TRPC5: variants seen among roughly 807,000 people sequenced by gnomAD.
TRPC5 encodes the protein transient receptor potential cation channel subfamily C member 5.
A neutral mutation model predicts 56.5 loss-of-function variants in TRPC5; 9 were observed. The ratio of observed to expected loss-of-function variants is 0.16; its 90% CI spans 0.10 to 0.28. TRPC5 has a LOEUF of 0.28. TRPC5 is among the 10% of genes least tolerant of loss of function. TRPC5 has a pLI of 1.00. For missense variants in TRPC5, 469 were observed against 748.9 expected, an observed-to-expected ratio of 0.63 and a Z score of 4.36; for synonymous variants, 282 against 278.5, an observed-to-expected ratio of 1.01 and a Z score of -0.13.
intron 5 of TRPC5, among the ~76,000 whole-genome samples, chrX:111,849,979 A>G (rs1485054170): frequency 8.9e-6 from 1 of 112,154 alleles, no homozygotes; most frequent in African/African-American, 3.2e-5. Flanking sequence ...CTTTCAAAGG[A>G]TGTAAATTGC....
At chrX:111,960,003 C>T (rs909959506) in intron 1 of TRPC5, among the ~76,000 whole-genome samples, 11 of 111,766 alleles carry the variant, frequency 9.8e-5, no homozygotes, top group Admixed American at 2.8e-4. Context: ...TAGCCACTAG[C>T]CACAAGTGGC....
intron 5 of TRPC5, among the ~76,000 whole-genome samples, chrX:111,848,681 T>G (rs1326352485): frequency 8.9e-6 from 1 of 112,553 alleles, no homozygotes; most frequent in Non-Finnish European, 1.9e-5. Context: ...AAATCACTTG[T>G]GTGTATCCAA....
At position 111,811,047 on chromosome X, in the gene TRPC5, G is replaced by C. The variant is rs1034596082; in HGVS notation, c.1896+23874C>G. Among the ~76,000 whole-genome samples, 8 of 111,964 alleles carry C rather than the reference G, an allele frequency of 7.1e-5. No individual in the cohort carries two copies. The Admixed American group carries it at 7.6e-4, about 11-fold the overall frequency. On this transcript the variant is annotated intron_variant, in intron 7 of 10. Coordinates refer to ENST00000262839, the MANE Select transcript of TRPC5 (RefSeq NM_012471.3). ...TGTGGAACGGAAATGAGAATTCAAGGAGACAAAGGAATGATGTAAACTTTC... is the reference window on the plus strand; with the variant it reads ...TGTGGAACGGAAATGAGAATTCAAGCAGACAAAGGAATGATGTAAACTTTC...
At chrX:111,984,440 T>G (rs112953409) in intron 1 of TRPC5, among the ~76,000 whole-genome samples, 3,451 of 111,680 alleles carry the variant, frequency 0.031, 130 homozygotes, top group African/African-American at 0.11. Flanking sequence ...AGAGGTCCAC[T>G]CAGCATTGTG....
chrX:111,964,873 C>CT (rs1927512599), intron 1 of TRPC5, among the ~76,000 whole-genome samples: 1 of 111,874 alleles, frequency 8.9e-6, no homozygotes, highest in Non-Finnish European at 1.9e-5. Flanking sequence ...CAAAAACATG[C>CT]TAAAATGTAA....
intron 1 of TRPC5, among the ~76,000 whole-genome samples, chrX:112,068,987 C>T (rs715154): frequency 8.9e-6 from 1 of 111,783 alleles, no homozygotes; most frequent in Non-Finnish European, 1.9e-5. Flanking sequence ...TGCCCAAGGT[C>T]TTATGACTCA....
intron 3 of TRPC5, among the ~76,000 whole-genome samples, chrX:111,886,131 A>G (rs898063904): frequency 2.7e-5 from 3 of 111,321 alleles, no homozygotes; most frequent in Middle Eastern, 4.7e-3. Flanking sequence ...AATATAAAAA[A>G]TAGTTGGGCA....
chrX:111,832,862 G>A (rs1257077459), intron 7 of TRPC5, among the ~76,000 whole-genome samples: 1 of 111,355 alleles, frequency 9.0e-6, no homozygotes, highest in African/African-American at 3.3e-5. Flanking sequence ...CCTAGAAAAT[G>A]TCACTGAGCT....
At chrX:111,965,130 G>A (rs59247376) in intron 1 of TRPC5, among the ~76,000 whole-genome samples, 28,788 of 109,896 alleles carry the variant, frequency 0.26, 4,572 homozygotes, top group African/African-American at 0.6. Context: ...ATGGAGGAAG[G>A]TCTACCAAGC....
chrX:111,816,871 C>G (rs745829834), intron 7 of TRPC5, among the ~76,000 whole-genome samples: 2 of 111,427 alleles, frequency 1.8e-5, no homozygotes, highest in African/African-American at 3.3e-5. Flanking sequence ...TATGTACGGT[C>G]AGAAAGAACA....
chrX:112,010,742 T>C (rs149395476), intron 1 of TRPC5, among the ~76,000 whole-genome samples: 1 of 112,213 alleles, frequency 8.9e-6, no homozygotes. Flanking sequence ...ACGCCATATA[T>C]GTGGTCTATC....
chrX:112,007,514 G>A (rs1397381196), intron 1 of TRPC5, among the ~76,000 whole-genome samples: 1 of 111,290 alleles, frequency 9.0e-6, no homozygotes, highest in East Asian at 2.8e-4. Context: ...TTCCTACATG[G>A]GCTTCAGTTA....
intron 2 of TRPC5, among the ~76,000 whole-genome samples, chrX:111,950,875 A>G (rs1927070183): frequency 8.9e-6 from 1 of 112,082 alleles, no homozygotes; most frequent in Non-Finnish European, 1.9e-5. Context: ...TTCCATGTCC[A>G]TATGCATGTT....
At chrX:111,882,811 C>T (rs575271568) in intron 3 of TRPC5, among the ~76,000 whole-genome samples, 4 of 112,190 alleles carry the variant, frequency 3.6e-5, no homozygotes, top group African/African-American at 9.7e-5. Context: ...GCCGGCTGGG[C>T]GCTGTGGCTC....
chrX:112,005,974 C>T (rs958684886), intron 1 of TRPC5, among the ~76,000 whole-genome samples: 7 of 111,125 alleles, frequency 6.3e-5, no homozygotes, highest in African/African-American at 9.8e-5. Flanking sequence ...GGGAAGGTGG[C>T]GGCGGGGGGC....
At chrX:111,787,833 G>C (rs1021136099) in intron 7 of TRPC5, among the ~76,000 whole-genome samples, 2 of 111,291 alleles carry the variant, frequency 1.8e-5, no homozygotes, top group Admixed American at 1.9e-4. Context: ...TAAATTCCTC[G>C]ACACATACAC....
chrX:111,979,823 C>T (rs1472173897), intron 1 of TRPC5, among the ~76,000 whole-genome samples: 1 of 111,427 alleles, frequency 9.0e-6, no homozygotes, highest in East Asian at 2.8e-4. Flanking sequence ...CTGACCATAC[C>T]AAGCGTGGGT....
At chrX:111,998,218 G>T (rs140677334) in intron 1 of TRPC5, among the ~76,000 whole-genome samples, 49 of 111,914 alleles carry the variant, frequency 4.4e-4, no homozygotes, top group African/African-American at 1.6e-3. Flanking sequence ...GGGAGCTGCA[G>T]ACCAGAGCTG....
chrX:111,958,461 G>C (rs1927292490), intron 1 of TRPC5, among the ~76,000 whole-genome samples: 1 of 111,732 alleles, frequency 8.9e-6, no homozygotes, highest in South Asian at 3.8e-4. Flanking sequence ...CCAGTACCTG[G>C]CACATAGTAA....
Sources: allele counts gnomAD v4.1 joint callset (sites outside exome capture counted in the v4.1 genomes callset), GRCh38; gene constraint gnomAD v4.1.1; transcripts MANE v1.5; gene names NCBI Gene and HGNC (gene_info 2026-07-23, HGNC 2026-07-21).